Variants in MKX observed in about 807,000 individuals in gnomAD.
MKX encodes the protein homeobox protein Mohawk.
A neutral mutation model predicts 36.0 loss-of-function variants in MKX; 13 were observed. The ratio of observed to expected loss-of-function variants is 0.36; its 90% confidence interval spans 0.24 to 0.57. MKX has a LOEUF of 0.57. Among genes scored for constraint, MKX ranks in the 20% least tolerant of loss-of-function variants. The pLI is 0.79. For synonymous variants in MKX, 176 were observed against 178.3 expected (o/e 0.99, Z 0.10); for missense variants, 458 against 456.4 (o/e 1.00, Z -0.03).
At chr10:27,719,132 C>T (rs941815360) in intron 5 of MKX, among the ~76,000 whole-genome samples, 4 of 152,120 alleles carry the variant, frequency 2.6e-5, no homozygotes, top group Non-Finnish European at 4.4e-5. Flanking sequence ...CAAATACATG[C>T]TTAATGGGGC....
chr10:27,702,999 G>T (rs1273898194), intron 5 of MKX, among the ~76,000 whole-genome samples: 3 of 152,226 alleles, frequency 2.0e-5, no homozygotes, highest in East Asian at 1.9e-4. Context: ...CTTCCGAAAA[G>T]CTTCAGGTTT....
At chr10:27,737,156 T>A (rs1834796839) in intron 3 of MKX, among the ~76,000 whole-genome samples, 1 of 152,148 alleles carries the variant, frequency 6.6e-6, no homozygotes. Flanking sequence ...AGGAGCCTGA[T>A]CCCTTTCTTC....
intron 5 of MKX, among the ~76,000 whole-genome samples, chr10:27,719,392 G>A (rs1834320538): frequency 6.6e-6 from 1 of 152,140 alleles, no homozygotes; most frequent in Non-Finnish European, 1.5e-5. Context: ...CGAGACAGCT[G>A]TCAGAAGAGC....
rs562758397 is a variant in MKX at position 27,679,513 on chromosome 10, G to T, written c.839-3959C>A. ...TGGTGGGCTGCTCAGTGTCACTAGG[G>T]TATTTTGAGTCCAAGTGCCACCTCC... On this transcript the variant is annotated intron_variant, in intron 5 of 6. Coordinates refer to ENST00000419761, the MANE Select transcript of MKX (RefSeq NM_173576.3). 2.6e-5 allele frequency among the ~76,000 whole-genome samples: 4 copies of T among 152,280 alleles called. No homozygotes were observed. The South Asian group carries it at 8.3e-4, about 32-fold the overall frequency.
At chr10:27,732,008 T>TATGCAC (rs1834640964) in intron 5 of MKX, among the ~76,000 whole-genome samples, 1 of 152,220 alleles carries the variant, frequency 6.6e-6, no homozygotes, top group Non-Finnish European at 1.5e-5. Context: ...TTTATTTGCC[T>TATGCAC]ATGCACATTT....
chr10:27,697,264 G>A (rs1836572025), intron 5 of MKX, among the ~76,000 whole-genome samples: 1 of 152,176 alleles, frequency 6.6e-6, no homozygotes, highest in South Asian at 2.1e-4. Context: ...CAATGTATCT[G>A]AAATTATTCA....
chr10:27,727,358 A>G (rs1834513935), intron 5 of MKX, among the ~76,000 whole-genome samples: 1 of 152,200 alleles, frequency 6.6e-6, no homozygotes, highest in South Asian at 2.1e-4. Flanking sequence ...CACACAGCTC[A>G]TGTTGCCAAT....
chr10:27,724,791 A>ACACACACCC (rs775804611), intron 5 of MKX, among the ~76,000 whole-genome samples: 21 of 147,886 alleles, frequency 1.4e-4, no homozygotes, highest in African/African-American at 5.0e-4. Flanking sequence ...ACACACACAC[A>ACACACACCC]CCCCGCAGAA....
intron 5 of MKX, among the ~76,000 whole-genome samples, chr10:27,722,191 A>C (rs535399482): frequency 1.3e-5 from 2 of 152,328 alleles, no homozygotes; most frequent in South Asian, 4.1e-4. Flanking sequence ...TAAACACGTG[A>C]CATCTACCCT....
rs1432777256 is a variant in MKX, at chr10:27,742,439, T to G, written c.188+789A>C. ...AGTAACATTTTGACGAAACCGAATC[T>G]CTGTTTTACTAAGCAGCGACGCCGC... On this transcript the variant is annotated intron_variant, in intron 2 of 6. Coordinates refer to ENST00000419761, the MANE Select transcript of MKX (RefSeq NM_173576.3). The surrounding 1 kb of genome is among the most constrained non-coding windows in gnomAD (Gnocchi z 4.2). Among the ~76,000 whole-genome samples the G allele has an allele frequency of 6.6e-6, 1 of 152,066 alleles. No homozygotes were observed. Among genetic ancestry groups the G allele is most frequent in the East Asian group, 1.9e-4 (1 of 5,160 alleles).
chr10:27,704,774 T>C (rs1201770496), intron 5 of MKX, among the ~76,000 whole-genome samples: 1 of 152,140 alleles, frequency 6.6e-6, no homozygotes, highest in African/African-American at 2.4e-5. Context: ...CTTGCAATAC[T>C]CCCTTTAAAG....
rs1393834893 is a variant in MKX at position 27,674,694 on chromosome 10, A to C, written c.*535T>G. 6.6e-6 allele frequency: 1 copy of C among 152,422 alleles called. No individual in the cohort carries two copies. Among genetic ancestry groups the C allele is most frequent in the Non-Finnish European group, 1.5e-5 (1 of 68,182 alleles). 9.4% of individuals were successfully genotyped at this position (152,422 alleles called of 1,614,324 possible). A position where few individuals can be genotyped will look rare whatever the true frequency, so the allele number is the denominator to read the frequency against. On this transcript the variant is annotated 3_prime_UTR_variant, in exon 7 of 7. Coordinates refer to ENST00000419761, the MANE Select transcript of MKX (RefSeq NM_173576.3). ...TCAAATATGCAGGCAAGATACATGC[A>C]TAAAATTCTCACCGTCACTCTGAAA...
At chr10:27,735,850 A>G (rs2132643792) in intron 3 of MKX, among the ~76,000 whole-genome samples, 1 of 152,324 alleles carries the variant, frequency 6.6e-6, no homozygotes, top group South Asian at 2.1e-4. Context: ...AAGAGGACAC[A>G]GGAACAAATA....
intron 5 of MKX, among the ~76,000 whole-genome samples, chr10:27,729,292 C>CTTTTT (rs57352901): frequency 3.4e-5 from 4 of 118,108 alleles, no homozygotes; most frequent in South Asian, 2.7e-4. Context: ...TGCACTAGGC[C>CTTTTT]TTTTTTTTTT....
At chr10:27,676,380 CTTT>C (rs1176984277) in intron 5 of MKX, among the ~76,000 whole-genome samples, 5 of 127,770 alleles carry the variant, frequency 3.9e-5, no homozygotes, top group Admixed American at 7.7e-5. Flanking sequence ...TTTTCTTTTT[CTTT>C]TTTTTTTTTT....
At chr10:27,677,228 G>A (rs1836169203) in intron 5 of MKX, among the ~76,000 whole-genome samples, 1 of 152,106 alleles carries the variant, frequency 6.6e-6, no homozygotes. Context: ...CCTGGAAAAC[G>A]CAAGGCCCTC....
At chr10:27,735,038 A>C (rs770911767) in intron 4 of MKX, among the ~76,000 whole-genome samples, 183 bp downstream of exon 4, 3 of 152,218 alleles carry the variant, frequency 2.0e-5, no homozygotes, top group Non-Finnish European at 2.9e-5. Flanking sequence ...TCTATAAACA[A>C]GAGGAAATGG....
At chr10:27,694,550 GC>G (rs1358784553) in intron 5 of MKX, among the ~76,000 whole-genome samples, 1 of 110,286 alleles carries the variant, frequency 9.1e-6, no homozygotes, top group Non-Finnish European at 2.0e-5. Context: ...ATATAAATTA[GC>G]CGAGTGTGTG....
intron 5 of MKX, among the ~76,000 whole-genome samples, chr10:27,704,979 T>C (rs1476206458): frequency 6.6e-6 from 1 of 152,186 alleles, no homozygotes; most frequent in Non-Finnish European, 1.5e-5. Context: ...TAAAGAGCTG[T>C]TCAAATTAAT....
Sources: gnomAD v4.1 joint callset for allele counts (sites outside exome capture counted in the v4.1 genomes callset) on GRCh38, gnomAD v4.1.1 for gene constraint, Gnocchi (gnomAD v3.1) non-coding constraint, MANE v1.5 for transcripts, NCBI Gene and HGNC (gene_info 2026-07-23, HGNC 2026-07-21) for gene names.